TRIM24: variants seen among roughly 807,000 people sequenced by gnomAD.
The protein encoded by TRIM24 is transcription intermediary factor 1-alpha.
A neutral mutation model predicts 123.9 loss-of-function variants in TRIM24; 29 were observed. The ratio of observed to expected loss-of-function variants is 0.23; its 90% CI spans 0.17 to 0.32. The LOEUF (loss-of-function observed/expected upper bound fraction) is 0.32. Among genes scored for constraint, TRIM24 ranks in the 10% least tolerant of loss-of-function variants. TRIM24 has a pLI of 1.00. For synonymous variants in TRIM24, 456 were observed against 461.1 expected, an observed-to-expected ratio of 0.99 and a Z score of 0.14; for missense variants, 932 against 1,295.3, an observed-to-expected ratio of 0.72 and a Z score of 4.31.
At chr7:138,553,728 T>G (rs1797259014) in intron 8 of TRIM24, among the ~76,000 whole-genome samples, 1 of 152,164 alleles carries the variant, frequency 6.6e-6, no homozygotes, top group Admixed American at 6.5e-5. Flanking sequence ...GGTTCGCTTG[T>G]TTTGATATAT....
At chr7:138,533,664 G>A (rs1796797811) in intron 6 of TRIM24, among the ~76,000 whole-genome samples, 1 of 152,316 alleles carries the variant, frequency 6.6e-6, no homozygotes, top group Non-Finnish European at 1.5e-5. Flanking sequence ...AGGGATATTG[G>A]TCTAAAATTC....
At chr7:138,486,462 G>C (rs1795649364) in intron 1 of TRIM24, among the ~76,000 whole-genome samples, 1 of 152,032 alleles carries the variant, frequency 6.6e-6, no homozygotes, top group Admixed American at 6.6e-5. Flanking sequence ...GGGTTTTTAT[G>C]GTTTTAGGTC....
At chr7:138,567,415 TAGAG>T (rs1479107972) in intron 9 of TRIM24, 62 bp from the exon 10 acceptor site, 3 of 1,439,100 alleles carry the variant, frequency 2.1e-6, no homozygotes, top group Non-Finnish European at 9.4e-7. Flanking sequence ...TTTTATAAGA[TAGAG>T]ATTTATAATT....
intron 6 of TRIM24, among the ~76,000 whole-genome samples, chr7:138,531,192 TACA>T (rs1796725431): frequency 4.7e-5 from 2 of 42,208 alleles, no homozygotes; most frequent in African/African-American, 1.4e-4. Flanking sequence ...TGTATATGTA[TACA>T]TGTATACATG....
intron 1 of TRIM24, among the ~76,000 whole-genome samples, chr7:138,462,367 G>A (rs923030870): frequency 6.9e-6 from 1 of 145,116 alleles, no homozygotes; most frequent in Non-Finnish European, 1.5e-5. Context: ...TTGAGACGGA[G>A]TCTCGCTCTG....
chr7:138,546,403 G>A (rs1010662498), intron 7 of TRIM24, among the ~76,000 whole-genome samples: 1 of 152,182 alleles, frequency 6.6e-6, no homozygotes, highest in Non-Finnish European at 1.5e-5. Context: ...ATCCTTGATG[G>A]CATCATGGAA....
chr7:138,460,583 C>T lies in TRIM24; in HGVS notation c.35C>T (p.Ala12Val). The change falls in exon 1 of 19, where the codon GCG (alanine) becomes GTG (valine). Residue 12 changes from alanine to valine, a missense_variant. By Grantham distance (64) the Ala-to-Val change is moderately conservative. Transcript: ENST00000343526. Reference sequence around the variant, plus strand: ...GCGGTGGAGAAGGCGGTGGCGGCGGCGGCAGCGGCCTCGGCTGCGGCCTCC... The same window carrying T: ...GCGGTGGAGAAGGCGGTGGCGGCGGTGGCAGCGGCCTCGGCTGCGGCCTCC... The part of the protein sequence containing the change: ...EVAVEKAVAA[A>V]AAASAAASGG... The T allele has an allele frequency of 2.3e-6, 3 of 1,315,298 alleles. No individual in the cohort carries two copies. The highest frequency in any genetic ancestry group is 2.9e-6 in the Non-Finnish European group (3 of 1,042,654). The allele number at this position is 1,315,298 out of a possible 1,614,324, so 81.5% of individuals were successfully genotyped here. A position where few individuals can be genotyped will look rare whatever the true frequency, so the allele number is the denominator to read the frequency against.
intron 2 of TRIM24, among the ~76,000 whole-genome samples, chr7:138,513,238 T>C (rs1201713906): frequency 6.6e-6 from 1 of 152,316 alleles, no homozygotes; most frequent in South Asian, 2.1e-4. Context: ...AGTTCCAAAA[T>C]TTTTCTCACC....
chr7:138,487,019 A>G (rs900961213), intron 1 of TRIM24, among the ~76,000 whole-genome samples: 2 of 152,140 alleles, frequency 1.3e-5, no homozygotes, highest in African/African-American at 4.8e-5. Flanking sequence ...TTTGTTGAGC[A>G]GTGGTTTGTA....
At chr7:138,461,134 G>GCGCCGC (rs752059768) in intron 1 of TRIM24, 10 of 694,478 alleles carry the variant, frequency 1.4e-5, no homozygotes, top group Middle Eastern at 2.4e-4. Flanking sequence ...GGACTTGACC[G>GCGCCGC]CGCCGCCGCC....
At chr7:138,564,392 G>A (rs918304165) in intron 9 of TRIM24, among the ~76,000 whole-genome samples, 14 of 152,186 alleles carry the variant, frequency 9.2e-5, no homozygotes, top group African/African-American at 2.7e-4. Context: ...CTCCTTGGGG[G>A]CCGTTGGCCT....
chr7:138,521,929 A>G (rs1796510622), intron 4 of TRIM24, among the ~76,000 whole-genome samples: 1 of 152,206 alleles, frequency 6.6e-6, no homozygotes, highest in African/African-American at 2.4e-5. Flanking sequence ...AAACTAATAG[A>G]AAACTCCATA....
chr7:138,522,847 A>C (rs1329347200), intron 4 of TRIM24, among the ~76,000 whole-genome samples: 1 of 119,914 alleles, frequency 8.3e-6, no homozygotes, highest in Non-Finnish European at 1.9e-5. Flanking sequence ...AATACATTCA[A>C]ATCATCAAGA....
intron 1 of TRIM24, among the ~76,000 whole-genome samples, chr7:138,466,614 A>T (rs1045767021): frequency 6.6e-6 from 1 of 151,736 alleles, no homozygotes; most frequent in Non-Finnish European, 1.5e-5. Flanking sequence ...TCGTCTCCCA[A>T]AGTGCTGGGA....
Position 138,551,160 on chromosome 7 carries a change from C to T in TRIM24, c.1241C>T (p.Ala414Val). 6.2e-7 allele frequency: 1 copy of T among 1,613,468 alleles called. No individual in the cohort carries two copies. The highest frequency in any genetic ancestry group is 1.1e-5 in the South Asian group (1 of 91,064). The change falls in exon 8 of 19, where the codon GCT becomes GTT. Residue 414 changes from alanine to valine, a missense_variant. Ala to Val is a moderately conservative substitution (Grantham distance 64, BLOSUM62 0). This residue lies in a region of TRIM24 where 527 missense variants were observed against 691.3 expected (regional missense o/e 0.76). Coordinates refer to ENST00000343526, the MANE Select transcript of TRIM24 (RefSeq NM_015905.3). ...IQFHCDPSFW[A>V]QNIINLGSLV... ...TTTCACTGTGATCCTAGTTTCTGGG[C>T]TCAAAATATCATCAACTTAGGTGGG...
At position 138,538,725 on chromosome 7, in the gene TRIM24, A is replaced by T; in HGVS notation, c.1065A>T (p.Gln355His). ...AGGAAGTGGCTGGACTCTCTAAACA[A>T]TTGGAGCATGTCATGCATTTTTCTA... ...QQQEVAGLSK[Q>H]LEHVMHFSKW... The change falls in exon 7 of 19, where the codon CAA (glutamine) becomes CAT (histidine). Residue 355 changes from glutamine (Q) to histidine (H), a missense_variant. Gln to His is a conservative substitution (Grantham distance 24, BLOSUM62 0). Around this residue, in one of 7 missense-constraint regions of TRIM24, gnomAD observed 527 missense variants for 691.3 expected, o/e 0.76. Transcript: ENST00000343526. 1 of 1,613,842 alleles carries T rather than the reference A, an allele frequency of 6.2e-7. No homozygotes were observed. Among genetic ancestry groups the T allele is most frequent in the Non-Finnish European group, 8.5e-7 (1 of 1,179,856 alleles).
rs2116702553 is a variant in TRIM24, at chr7:138,586,160, C to T, written c.*1209C>T. On this transcript the variant is annotated 3_prime_UTR_variant, in exon 19 of 19. Transcript: ENST00000343526. The stretch of plus-strand genomic sequence containing the variant: ...ACAAGCATATTCTTAATGTGCCAGA[C>T]CTACCCGGTTCAGCTGATATAGATA... 3.1e-6 allele frequency: 1 copy of T among 323,506 alleles called. No homozygotes were observed. 20.0% of individuals were successfully genotyped at this position (323,506 alleles called of 1,614,324 possible).
At chr7:138,563,838 A>G (rs1040473911) in intron 9 of TRIM24, among the ~76,000 whole-genome samples, 1 of 152,172 alleles carries the variant, frequency 6.6e-6, no homozygotes, top group African/African-American at 2.4e-5. Context: ...AGCCCTTGCA[A>G]GAGTGCTTCT....
chr7:138,505,783 A>G (rs941639883), intron 2 of TRIM24, among the ~76,000 whole-genome samples: 8 of 152,288 alleles, frequency 5.3e-5, no homozygotes, highest in East Asian at 3.9e-4. Context: ...TCTAATTTCT[A>G]TAACCCACAT....
Sources: gnomAD v4.1 joint callset for allele counts (sites outside exome capture counted in the v4.1 genomes callset) on GRCh38, gnomAD v4.1.1 for gene constraint, gnomAD v4.1.1 regional missense constraint, MANE v1.5 for transcripts, NCBI Gene and HGNC (gene_info 2026-07-23, HGNC 2026-07-21) for gene names.